Variants in CAMKMT observed in about 807,000 individuals in gnomAD.
The protein encoded by CAMKMT is calmodulin-lysine N-methyltransferase.
A neutral mutation model predicts 48.0 loss-of-function variants in CAMKMT; 53 were observed. The ratio of observed to expected loss-of-function variants is 1.10; its 90% CI spans 0.89 to 1.39. CAMKMT has a LOEUF of 1.39. Among genes scored for constraint, CAMKMT ranks in the 40% most tolerant of loss-of-function variants. The pLI, the probability that CAMKMT is intolerant of heterozygous loss-of-function variation, is 0.00. For synonymous variants in CAMKMT, 165 were observed against 152.3 expected (o/e 1.08, Z -0.61); for missense variants, 428 against 402.7 (o/e 1.06, Z -0.54).
intron 3 of CAMKMT, among the ~76,000 whole-genome samples, chr2:44,508,610 G>T (rs968061131): frequency 6.6e-6 from 1 of 152,176 alleles, no homozygotes; most frequent in African/African-American, 2.4e-5. Context: ...GAATACGTAT[G>T]TGTATATGTA....
At chr2:44,627,159 G>A (rs1266168967) in intron 3 of CAMKMT, among the ~76,000 whole-genome samples, 1 of 152,004 alleles carries the variant, frequency 6.6e-6, no homozygotes. Flanking sequence ...TGTTAATGTG[G>A]TAAATTACAT....
chr2:44,484,734 A>T (rs1281489719), intron 3 of CAMKMT, among the ~76,000 whole-genome samples: 1 of 151,706 alleles, frequency 6.6e-6, no homozygotes, highest in African/African-American at 2.4e-5. Context: ...AAATTGGTCT[A>T]TGTTATAATT....
At chr2:44,670,017 T>G (rs1195700003) in intron 3 of CAMKMT, among the ~76,000 whole-genome samples, 1 of 152,202 alleles carries the variant, frequency 6.6e-6, no homozygotes, top group Non-Finnish European at 1.5e-5. Flanking sequence ...TTTTCTCTCT[T>G]GTGAAATGCC....
At chr2:44,610,049 A>G (rs1324337564) in intron 3 of CAMKMT, among the ~76,000 whole-genome samples, 1 of 152,210 alleles carries the variant, frequency 6.6e-6, no homozygotes, top group African/African-American at 2.4e-5. Flanking sequence ...ACAGAACATA[A>G]TGACCTCTTT....
intron 3 of CAMKMT, among the ~76,000 whole-genome samples, chr2:44,519,010 C>A (rs1027352753): frequency 6.6e-6 from 1 of 152,164 alleles, no homozygotes; most frequent in Non-Finnish European, 1.5e-5. Context: ...AAAAAATAAA[C>A]AGGTACCACT....
At chr2:44,417,567 T>C (rs1248380602) in intron 3 of CAMKMT, among the ~76,000 whole-genome samples, 2 of 152,182 alleles carry the variant, frequency 1.3e-5, no homozygotes, top group African/African-American at 4.8e-5. Flanking sequence ...TTCTCTTGGG[T>C]AAATACCTAG....
intron 3 of CAMKMT, among the ~76,000 whole-genome samples, chr2:44,405,076 C>T (rs944606045): frequency 2.0e-5 from 3 of 152,000 alleles, no homozygotes; most frequent in African/African-American, 7.2e-5. Context: ...ATGATAGATA[C>T]ATGGGAGTTC....
chr2:44,683,648 C>G (rs1274486547), intron 3 of CAMKMT, among the ~76,000 whole-genome samples: 1 of 151,712 alleles, frequency 6.6e-6, no homozygotes, highest in African/African-American at 2.4e-5. Flanking sequence ...GTGAAACCCC[C>G]TCTCTACTAA....
At chr2:44,567,791 A>G (rs916496882) in intron 3 of CAMKMT, among the ~76,000 whole-genome samples, 1 of 152,204 alleles carries the variant, frequency 6.6e-6, no homozygotes, top group Non-Finnish European at 1.5e-5. Context: ...ACTAGACATT[A>G]ACAATGTTTC....
intron 3 of CAMKMT, among the ~76,000 whole-genome samples, chr2:44,573,313 ATAT>A (rs1311776012): frequency 6.6e-6 from 1 of 151,966 alleles, no homozygotes; most frequent in African/African-American, 2.4e-5. Flanking sequence ...GTTCTTTATA[ATAT>A]TATGAGTAGT....
chr2:44,529,654 A>C (rs1343145614), intron 3 of CAMKMT, among the ~76,000 whole-genome samples: 1 of 152,196 alleles, frequency 6.6e-6, no homozygotes, highest in Non-Finnish European at 1.5e-5. Flanking sequence ...CTTGGAACAC[A>C]TTCTTCAGCT....
rs372769795 is a variant in CAMKMT at position 44,519,994 on chromosome 2, G to A, written c.376+129689G>A. Among the ~76,000 whole-genome samples the A allele has an allele frequency of 8.7e-4, 132 of 151,598 alleles. 1 individual carries two copies. The East Asian group carries it at 0.018, about 20-fold the overall frequency. On this transcript the variant is annotated intron_variant, in intron 3 of 10. Coordinates refer to ENST00000378494, the MANE Select transcript of CAMKMT (RefSeq NM_024766.5). ...TGGGAGGCTGAGGCGGGCGGATCAC[G>A]AGGTCAGGAGATCGAAACCATCCTG...
At chr2:44,768,675 G>C (rs534141016) in intron 10 of CAMKMT, among the ~76,000 whole-genome samples, 1 of 152,168 alleles carries the variant, frequency 6.6e-6, no homozygotes, top group East Asian at 1.9e-4. Context: ...CCGCCCGCCC[G>C]GGGCTCCGGG....
At chr2:44,746,288 A>G (rs1481370217) in intron 8 of CAMKMT, among the ~76,000 whole-genome samples, 1 of 152,244 alleles carries the variant, frequency 6.6e-6, no homozygotes, top group Non-Finnish European at 1.5e-5. Flanking sequence ...TCCCATTTAC[A>G]TGAAAACAAG....
intron 3 of CAMKMT, among the ~76,000 whole-genome samples, chr2:44,491,454 C>G (rs1669501489): frequency 6.6e-6 from 1 of 152,114 alleles, no homozygotes; most frequent in Admixed American, 6.5e-5. Flanking sequence ...CCTTTTGGTA[C>G]ACCATTGGCT....
At chr2:44,410,665 A>G (rs921053646) in intron 3 of CAMKMT, among the ~76,000 whole-genome samples, 1 of 152,144 alleles carries the variant, frequency 6.6e-6, no homozygotes, top group Non-Finnish European at 1.5e-5. Context: ...GCAATATGTC[A>G]GTTGCCTGTT....
intron 3 of CAMKMT, among the ~76,000 whole-genome samples, chr2:44,456,053 A>G (rs113863875): frequency 0.019 from 2,823 of 152,308 alleles, 103 homozygotes; most frequent in African/African-American, 0.065. Flanking sequence ...GATAGGGAAC[A>G]TGCTGTATGC....
At chr2:44,578,666 G>A (rs948912288) in intron 3 of CAMKMT, among the ~76,000 whole-genome samples, 2 of 152,230 alleles carry the variant, frequency 1.3e-5, no homozygotes, top group East Asian at 1.9e-4. Flanking sequence ...AATGGGATGT[G>A]GTATTGGGTA....
Position 44,439,368 on chromosome 2 carries a change from A to G in CAMKMT, c.376+49063A>G, listed in dbSNP as rs183927112. 2.9e-3 allele frequency among the ~76,000 whole-genome samples: 447 copies of G among 152,200 alleles called. 6 individuals are homozygous for G. The highest frequency in any genetic ancestry group is 6.3e-4 in the Non-Finnish European group (43 of 68,008). ...GAGTCATTTCCATCAGCAAACAAAC[A>G]TGTAGTACTTCCCTTCTTAAAAATA... On this transcript the variant is annotated intron_variant, in intron 3 of 10. Coordinates refer to ENST00000378494, the MANE Select transcript of CAMKMT (RefSeq NM_024766.5).
Sources: gnomAD v4.1 joint callset for allele counts (sites outside exome capture counted in the v4.1 genomes callset) on GRCh38, gnomAD v4.1.1 for gene constraint, MANE v1.5 for transcripts, NCBI Gene and HGNC (gene_info 2026-07-23, HGNC 2026-07-21) for gene names.